Variants in PRKG1 observed in about 807,000 individuals in gnomAD.
PRKG1 encodes the protein cGMP-dependent protein kinase 1.
PRKG1 carries 35 observed loss-of-function variants against 88.1 expected under a neutral mutation model. That is an observed-to-expected ratio of 0.40 (90% CI 0.30 to 0.53). PRKG1 has a LOEUF of 0.53. PRKG1 is among the 20% of genes least tolerant of loss of function. The probability of loss-of-function intolerance (pLI) is 0.59; values close to 1 mark genes in which losing one functional copy is unlikely to be tolerated. For synonymous variants in PRKG1, 303 were observed against 292.5 expected, an observed-to-expected ratio of 1.04 and a Z score of -0.37; for missense variants, 540 against 839.8, an observed-to-expected ratio of 0.64 and a Z score of 4.41.
intron 2 of PRKG1, among the ~76,000 whole-genome samples, chr10:51,442,237 G>C (rs968211567): frequency 7.2e-5 from 11 of 151,880 alleles, no homozygotes; most frequent in Non-Finnish European, 1.3e-4. Context: ...TCTTATTTAA[G>C]TGCTGTATCT....
chr10:51,931,911 T>G (rs1842703102), intron 5 of PRKG1, among the ~76,000 whole-genome samples: 1 of 152,156 alleles, frequency 6.6e-6, no homozygotes, highest in African/African-American at 2.4e-5. Flanking sequence ...TAGAATTCTG[T>G]CTTCAAACTG....
At chr10:51,641,547 C>G (rs562327011) in intron 3 of PRKG1, among the ~76,000 whole-genome samples, 12 of 152,298 alleles carry the variant, frequency 7.9e-5, no homozygotes, top group African/African-American at 2.9e-4. Flanking sequence ...TTGGCAGTCT[C>G]TTGCCATGCT....
chr10:51,269,529 C>T (rs1310192576), intron 2 of PRKG1, among the ~76,000 whole-genome samples: 2 of 152,124 alleles, frequency 1.3e-5, no homozygotes, highest in Non-Finnish European at 2.9e-5. Context: ...GAATACTACT[C>T]AGCCATAAAA....
chr10:52,003,556 C>A (rs910960341), intron 5 of PRKG1, among the ~76,000 whole-genome samples: 1 of 152,160 alleles, frequency 6.6e-6, no homozygotes, highest in Non-Finnish European at 1.5e-5. Flanking sequence ...GTGTCTTTCT[C>A]ATATATACAT....
intron 2 of PRKG1, among the ~76,000 whole-genome samples, chr10:51,236,421 T>A (rs1414956301): frequency 6.6e-6 from 1 of 152,146 alleles, no homozygotes; most frequent in African/African-American, 2.4e-5. Context: ...CACCTCCCTG[T>A]GAACTCAGAA....
chr10:51,349,622 T>C (rs1398592972), intron 2 of PRKG1, among the ~76,000 whole-genome samples: 1 of 151,946 alleles, frequency 6.6e-6, no homozygotes, highest in Non-Finnish European at 1.5e-5. Flanking sequence ...TTCTCCTGCC[T>C]TAGCCTCCCA....
At chr10:52,203,313 A>G (rs1182536193) in intron 9 of PRKG1, among the ~76,000 whole-genome samples, 3 of 151,998 alleles carry the variant, frequency 2.0e-5, no homozygotes, top group African/African-American at 7.2e-5. Flanking sequence ...TTTCCATGTA[A>G]TTGTATGGTT....
At chr10:51,673,662 T>C (rs926060927) in intron 3 of PRKG1, among the ~76,000 whole-genome samples, 2 of 152,242 alleles carry the variant, frequency 1.3e-5, no homozygotes, top group African/African-American at 4.8e-5. Context: ...AAGAATATCT[T>C]ATTTATTGAA....
At chr10:51,884,764 A>G (rs10999927) in intron 4 of PRKG1, among the ~76,000 whole-genome samples, 48,405 of 151,956 alleles carry the variant, frequency 0.32, 8,602 homozygotes, top group African/African-American at 0.43. Flanking sequence ...GCTTTTAAGG[A>G]TGAAAAATGT....
chr10:51,066,562 T>C (rs1160942011), intron 1 of PRKG1, among the ~76,000 whole-genome samples: 3 of 152,168 alleles, frequency 2.0e-5, no homozygotes, highest in South Asian at 2.1e-4. Context: ...ATTGTCTAAC[T>C]GACTTTTAAA....
intron 3 of PRKG1, among the ~76,000 whole-genome samples, chr10:51,660,353 T>C (rs2132329400): frequency 6.6e-6 from 1 of 151,726 alleles, no homozygotes; most frequent in African/African-American, 2.4e-5. Flanking sequence ...TTGAGCAGTT[T>C]CAAGGGAGAG....
At chr10:51,354,876 G>T (rs1842330961) in intron 2 of PRKG1, among the ~76,000 whole-genome samples, 1 of 152,078 alleles carries the variant, frequency 6.6e-6, no homozygotes, top group African/African-American at 2.4e-5. Flanking sequence ...CAGATTAAGG[G>T]TCTTTCATCT....
At chr10:51,638,861 A>T (rs1268940357) in intron 3 of PRKG1, among the ~76,000 whole-genome samples, 1 of 152,188 alleles carries the variant, frequency 6.6e-6, no homozygotes, top group African/African-American at 2.4e-5. Flanking sequence ...AATAAAAAGG[A>T]TATACTCATT....
intron 5 of PRKG1, among the ~76,000 whole-genome samples, chr10:51,985,331 A>G (rs1331415646): frequency 6.6e-6 from 1 of 152,218 alleles, no homozygotes; most frequent in East Asian, 1.9e-4. Context: ...TTTCAGCTGC[A>G]CAAAATTTAG....
At chr10:52,197,500 C>T (rs1344354346) in intron 9 of PRKG1, among the ~76,000 whole-genome samples, 2 of 152,264 alleles carry the variant, frequency 1.3e-5, no homozygotes, top group South Asian at 4.1e-4. Flanking sequence ...AGAAAAACTC[C>T]GAGGTATAGG....
intron 9 of PRKG1, among the ~76,000 whole-genome samples, chr10:52,220,822 G>A (rs751053933): frequency 1.3e-5 from 2 of 152,112 alleles, no homozygotes; most frequent in Non-Finnish European, 2.9e-5. Flanking sequence ...TACCGTTGAT[G>A]GGCATTTAGG....
intron 5 of PRKG1, among the ~76,000 whole-genome samples, chr10:51,949,215 G>A (rs1843127791): frequency 6.6e-6 from 1 of 152,066 alleles, no homozygotes; most frequent in Non-Finnish European, 1.5e-5. Context: ...TTGTCTTTTA[G>A]GAGGCAAGAT....
chr10:52,050,482 C>T (rs1239027509), intron 5 of PRKG1, among the ~76,000 whole-genome samples: 2 of 152,138 alleles, frequency 1.3e-5, no homozygotes, highest in Non-Finnish European at 2.9e-5. Flanking sequence ...ATTTGATTAA[C>T]ATAATTAGAG....
intron 5 of PRKG1, among the ~76,000 whole-genome samples, chr10:51,986,069 A>G (rs1844149910): frequency 6.6e-6 from 1 of 152,134 alleles, no homozygotes; most frequent in Non-Finnish European, 1.5e-5. Context: ...GCTGTGGCTC[A>G]CTCTCACTGT....
Sources: allele counts gnomAD v4.1 joint callset (sites outside exome capture counted in the v4.1 genomes callset), GRCh38; gene constraint gnomAD v4.1.1; transcripts MANE v1.5; gene names NCBI Gene and HGNC (gene_info 2026-07-23, HGNC 2026-07-21).